The following EPCIP variants were observed in gnomAD, a reference collection of about 807,000 sequenced individuals.
EPCIP encodes the protein exosomal polycystin-1-interacting protein.
chr21:32,803,959 T>A, the EPCIP span, among the ~76,000 whole-genome samples: 6 of 152,196 alleles, frequency 3.9e-5, no homozygotes, highest in East Asian at 1.2e-3. Flanking sequence ...GTAATTCTGA[T>A]GTGATCGGAA....
chr21:32,800,680 G>T, the EPCIP span, among the ~76,000 whole-genome samples: 2 of 152,130 alleles, frequency 1.3e-5, no homozygotes, highest in East Asian at 1.9e-4. Flanking sequence ...GCTGGCCATG[G>T]TGGCATGTGC....
the EPCIP span, chr21:32,810,424 T>TTTTA: frequency 4.7e-4 from 88 of 186,202 alleles, no homozygotes; most frequent in Non-Finnish European, 8.3e-4. Context: ...CCCGGTAATT[T>TTTTA]TTTTTTTTTT....
the EPCIP span, among the ~76,000 whole-genome samples, chr21:32,806,565 T>A: frequency 6.6e-6 from 1 of 152,262 alleles, no homozygotes; most frequent in Non-Finnish European, 1.5e-5. Flanking sequence ...TCGTGTTCAC[T>A]TAACTTCATC....
At chr21:32,793,762 C>T in the EPCIP span, 1 of 1,613,380 alleles carries the variant, frequency 6.2e-7, no homozygotes, top group Non-Finnish European at 8.5e-7. Flanking sequence ...AGTTATTATG[C>T]TAGTAAATAA....
the EPCIP span, among the ~76,000 whole-genome samples, chr21:32,801,337 C>T: frequency 6.6e-6 from 1 of 152,172 alleles, no homozygotes; most frequent in Non-Finnish European, 1.5e-5. Flanking sequence ...TTTTTACATC[C>T]TCTTTTCTCA....
the EPCIP span, among the ~76,000 whole-genome samples, chr21:32,792,064 C>A: frequency 6.6e-6 from 1 of 152,062 alleles, no homozygotes; most frequent in South Asian, 2.1e-4. Flanking sequence ...ACCACCACGC[C>A]TGGCTTATTT....
chr21:32,809,098 G>A, the EPCIP span, among the ~76,000 whole-genome samples: 1 of 151,378 alleles, frequency 6.6e-6, no homozygotes, highest in Non-Finnish European at 1.5e-5. Context: ...ATGGAAATGC[G>A]AAGTAATCCT....
At chr21:32,797,175 T>A in the EPCIP span, 1 of 322,538 alleles carries the variant, frequency 3.1e-6, no homozygotes, top group East Asian at 9.4e-5. Context: ...GGGCACCAAG[T>A]GGGGCAAATA....
chr21:32,812,960 A>C, the EPCIP span, among the ~76,000 whole-genome samples: 2 of 152,168 alleles, frequency 1.3e-5, no homozygotes, highest in Non-Finnish European at 2.9e-5. Flanking sequence ...AACACGAACT[A>C]TCCAATCCAA....
the EPCIP span, among the ~76,000 whole-genome samples, chr21:32,803,213 G>A: frequency 1.3e-5 from 2 of 152,182 alleles, no homozygotes; most frequent in African/African-American, 2.4e-5. Flanking sequence ...TCACAGATTG[G>A]TATCTGATAC....
chr21:32,804,359 T>C, the EPCIP span, among the ~76,000 whole-genome samples: 1 of 151,522 alleles, frequency 6.6e-6, no homozygotes, highest in Non-Finnish European at 1.5e-5. Flanking sequence ...TCATCCAGGC[T>C]GGTCTTAAAC....
chr21:32,796,259 C>T, the EPCIP span, among the ~76,000 whole-genome samples: 2 of 152,146 alleles, frequency 1.3e-5, no homozygotes, highest in Non-Finnish European at 2.9e-5. Flanking sequence ...GAGGCTATAG[C>T]AGTGGGGAGG....
At chr21:32,803,554 AAG>A in the EPCIP span, among the ~76,000 whole-genome samples, 75 of 152,316 alleles carry the variant, frequency 4.9e-4, no homozygotes, top group African/African-American at 1.8e-3. Flanking sequence ...CTCTTGAAAA[AAG>A]GGATTTTTAG....
At chr21:32,796,791 C>T in the EPCIP span, 12 of 338,184 alleles carry the variant, frequency 3.5e-5, no homozygotes, top group African/African-American at 4.3e-5. Flanking sequence ...TCTGGGACTT[C>T]GTGTCCCAGT....
chr21:32,794,450 T>TC, the EPCIP span: 3 of 1,589,870 alleles, frequency 1.9e-6, no homozygotes, highest in Non-Finnish European at 1.7e-6. Flanking sequence ...AGCGTGTTTA[T>TC]CCCCCCTCTT....
chr21:32,795,433 A>G, the EPCIP span, among the ~76,000 whole-genome samples: 2 of 152,358 alleles, frequency 1.3e-5, no homozygotes, highest in South Asian at 2.1e-4. Flanking sequence ...TGAGATGAGC[A>G]TTATGGCAGA....
chr21:32,810,171 C>T, the EPCIP span, among the ~76,000 whole-genome samples: 12 of 151,840 alleles, frequency 7.9e-5, no homozygotes, highest in Non-Finnish European at 1.8e-4. Flanking sequence ...TCTGTTCCTC[C>T]ATGATGTCAC....
the EPCIP span, chr21:32,793,681 C>T: frequency 1.5e-6 from 2 of 1,316,914 alleles, no homozygotes; most frequent in Non-Finnish European, 2.2e-6. Context: ...GGATACCTAT[C>T]TCACGGCCTT....
the EPCIP span, chr21:32,797,098 C>T: frequency 1.4e-5 from 6 of 435,952 alleles, no homozygotes; most frequent in African/African-American, 2.1e-5. Flanking sequence ...GTCCCTGCCT[C>T]CTGGACATTA....
Sources: allele counts gnomAD v4.1 joint callset (sites outside exome capture counted in the v4.1 genomes callset), GRCh38; gene constraint gnomAD v4.1.1; transcripts MANE v1.5; gene names NCBI Gene and HGNC (gene_info 2026-07-23, HGNC 2026-07-21).